Variants in UNC80 observed in about 807,000 individuals in gnomAD.
UNC80 encodes unc-80 subunit of NALCN channel complex, also known as protein unc-80 homolog.
Under a neutral mutation model 384.6 loss-of-function variants are expected in UNC80, and 164 were observed. The ratio of observed to expected loss-of-function variants is 0.43; its 90% CI spans 0.38 to 0.49. UNC80 has a LOEUF of 0.49. UNC80 is among the 20% of genes least tolerant of loss of function. The probability of loss-of-function intolerance (pLI) is 0.00; values close to 1 mark genes in which losing one functional copy is unlikely to be tolerated. For synonymous variants in UNC80, 1,486 were observed against 1,527.8 expected, an observed-to-expected ratio of 0.97 and a Z score of 0.64; for missense variants, 3,330 against 4,143.0, an observed-to-expected ratio of 0.80 and a Z score of 5.39.
chr2:209,774,475 G>A (rs1479620706), intron 2 of UNC80, among the ~76,000 whole-genome samples: 1 of 151,960 alleles, frequency 6.6e-6, no homozygotes, highest in Non-Finnish European at 1.5e-5. Context: ...AATAGATAGG[G>A]ATAGATATAT....
In UNC80 at chr2:209,978,977, G is replaced by A. The variant is rs78595770; in HGVS notation, c.9118+269G>A. ...TTAATTTCTGCTTCTGGCTGGGCAC[G>A]GTGGCTCATGCCTGTAGTCCCAGCA... is the stretch of plus-strand genomic sequence containing the variant. On this transcript the variant is annotated intron_variant, in intron 59 of 64. Transcript: ENST00000673920. 6.7e-3 allele frequency among the ~76,000 whole-genome samples: 1,023 copies of A among 152,298 alleles called. 13 individuals carry two copies. The highest frequency in any genetic ancestry group is 0.022 in the African/African-American group (933 of 41,572).
chr2:209,794,550 T>C (rs1178394483), intron 7 of UNC80, among the ~76,000 whole-genome samples: 3 of 152,194 alleles, frequency 2.0e-5, no homozygotes, highest in Non-Finnish European at 4.4e-5. Flanking sequence ...TACTATAAAA[T>C]TAACCTATTT....
At chr2:209,979,729 A>G (rs116541621) in intron 59 of UNC80, among the ~76,000 whole-genome samples, 1,649 of 152,284 alleles carry the variant, frequency 0.011, 23 homozygotes, top group African/African-American at 0.035. Flanking sequence ...ATTATTTTCC[A>G]CTTGTGTGTT....
chr2:209,872,433 C>G lies in UNC80; in HGVS notation c.3628-325C>G, dbSNP rs1379809954. On this transcript the variant is annotated intron_variant, in intron 22 of 64. Transcript: ENST00000673920. This position sits in a 1 kb window ranked among gnomAD's most constrained non-coding sequence, Gnocchi z 4.1. ...AGACCTCACTAAAAGCTCTTTCACT[C>G]TACACTCAAATCGCTGTCACCCTTA... Among the ~76,000 whole-genome samples, 5 of 152,162 alleles carry G rather than the reference C, an allele frequency of 3.3e-5. No individual in the cohort carries two copies. Among genetic ancestry groups the G allele is most frequent in the Admixed American group, 1.3e-4 (2 of 15,280 alleles).
chr2:209,979,074 T>C (rs182613875), intron 59 of UNC80, among the ~76,000 whole-genome samples: 12 of 151,956 alleles, frequency 7.9e-5, no homozygotes, highest in Admixed American at 7.9e-4. Context: ...CATGATGAAA[T>C]CCCATCTCTA....
chr2:209,888,264 T>C lies in UNC80; in HGVS notation c.4276+4T>C. On this transcript the variant is annotated splice_donor_region_variant and intron_variant, in intron 26 of 64. Transcript: ENST00000673920. ...GCAGGAGTCGAGGAGAAGAAAGGTATGGAAACACAAAGGTTCCTTCATGTT... is the reference window on the plus strand; with the variant it reads ...GCAGGAGTCGAGGAGAAGAAAGGTACGGAAACACAAAGGTTCCTTCATGTT... 1.3e-6 allele frequency: 2 copies of C among 1,551,636 alleles called. No individual in the cohort carries two copies. The highest frequency in any genetic ancestry group is 1.7e-6 in the Non-Finnish European group (2 of 1,146,932).
At chr2:209,963,974 T>G (rs1487694592) in intron 51 of UNC80, among the ~76,000 whole-genome samples, 1 of 152,218 alleles carries the variant, frequency 6.6e-6, no homozygotes, top group African/African-American at 2.4e-5. Flanking sequence ...GTAGTGAATT[T>G]TCTATCCATG....
chr2:209,992,202 C>T lies in UNC80; in HGVS notation c.9351C>T (p.Asn3117=), dbSNP rs1332853851. 2.6e-6 allele frequency: 4 copies of T among 1,551,512 alleles called. No homozygotes were observed. Among genetic ancestry groups the T allele is most frequent in the Non-Finnish European group, 2.6e-6 (3 of 1,146,958 alleles). Residue 3117 remains asparagine (N), a synonymous_variant, in exon 62 of 65, where the codon AAC becomes AAT. Transcript: ENST00000673920. Reference sequence around the variant, plus strand: ...TACAGAGTGAACCTGGTCAACAGAACCTCCTTGTTCAGCAGCCGCTGGGGA... The same window carrying T: ...TACAGAGTGAACCTGGTCAACAGAATCTCCTTGTTCAGCAGCCGCTGGGGA... ...ASIQSEPGQQ[N]LLVQQPLGRK...
At chr2:209,915,422 AAAC>A (rs1396657214) in intron 31 of UNC80, among the ~76,000 whole-genome samples, 4 of 151,442 alleles carry the variant, frequency 2.6e-5, no homozygotes, top group South Asian at 2.1e-4. Context: ...AAAAAAAAAA[AAAC>A]AAAAACTGGG....
intron 25 of UNC80, 78 bp downstream of exon 25, chr2:209,881,172 T>G: frequency 6.8e-7 from 1 of 1,463,750 alleles, no homozygotes; most frequent in Non-Finnish European, 9.1e-7. Flanking sequence ...AGATTCACAG[T>G]TTTCTTAAAT....
At chr2:209,825,601 C>G (rs142124939) in intron 13 of UNC80, among the ~76,000 whole-genome samples, 2 of 152,108 alleles carry the variant, frequency 1.3e-5, no homozygotes, top group African/African-American at 2.4e-5. Context: ...TGCACTGTCT[C>G]TCTTTAGGTG....
chr2:209,815,205 A>G, intron 8 of UNC80, 52 bp from the exon 9 acceptor site: 2 of 1,511,942 alleles, frequency 1.3e-6, no homozygotes, highest in Non-Finnish European at 1.8e-6. Flanking sequence ...CAATAAGAAC[A>G]GTATTTGGAT....
intron 22 of UNC80, among the ~76,000 whole-genome samples, chr2:209,853,151 G>A (rs2082652841): frequency 6.6e-6 from 1 of 152,002 alleles, no homozygotes; most frequent in Non-Finnish European, 1.5e-5. Context: ...AAAAATGAAT[G>A]TGCTCAATTC....
intron 21 of UNC80, chr2:209,845,377 TC>T (rs1306046715): frequency 6.6e-6 from 1 of 152,246 alleles, no homozygotes; most frequent in African/African-American, 2.4e-5. Flanking sequence ...TTGTTTACAC[TC>T]TCCTTTTAAT....
rs142291844 is a variant in UNC80 at position 209,941,530 on chromosome 2, G to C, written c.6915+41G>C. The C allele has an allele frequency of 3.4e-6, 5 of 1,491,700 alleles. No individual in the cohort carries two copies. In the East Asian group the frequency reaches 1.3e-4, roughly 37 times the overall value. The allele number at this position is 1,491,700 out of a possible 1,614,324, so 92.4% of individuals were successfully genotyped here. On this transcript the variant is annotated intron_variant, in intron 44 of 64. Coordinates refer to ENST00000673920, the MANE Select transcript of UNC80 (RefSeq NM_001371986.1). ...TCTCCCAACCAGAAAATTAACATGA[G>C]TACTGCTCATATCTAGCCGTTCAAC...
chr2:209,787,707 G>A (rs903683828), intron 5 of UNC80, among the ~76,000 whole-genome samples: 6 of 152,036 alleles, frequency 3.9e-5, no homozygotes, highest in Non-Finnish European at 7.4e-5. Context: ...TTTTATAAAA[G>A]TATAGCCCAT....
At chr2:209,935,446 A>G (rs931626070) in intron 39 of UNC80, among the ~76,000 whole-genome samples, 9 of 151,976 alleles carry the variant, frequency 5.9e-5, no homozygotes, top group Non-Finnish European at 1.3e-4. Context: ...ACATGGCGAA[A>G]CCTCGTCTCT....
Position 209,788,619 on chromosome 2 carries a change from ATT to A in UNC80, c.725-911_725-910del, listed in dbSNP as rs1370391328. 2.0e-5 allele frequency among the ~76,000 whole-genome samples: 3 copies of A among 148,006 alleles called. No homozygotes were observed. In the East Asian group the frequency reaches 5.8e-4, roughly 29 times the overall value. On this transcript the variant is annotated intron_variant, in intron 5 of 64. Coordinates refer to ENST00000673920, the MANE Select transcript of UNC80 (RefSeq NM_001371986.1). ...AAATAAAAGTAAAATAAATATATAA[ATT>A]TATAAATATATGACTATATTAAAAA... is the stretch of plus-strand genomic sequence containing the variant.
chr2:209,794,330 T>C (rs752178616), intron 7 of UNC80, among the ~76,000 whole-genome samples: 4 of 152,174 alleles, frequency 2.6e-5, no homozygotes, highest in Non-Finnish European at 5.9e-5. Flanking sequence ...ATAAACACCT[T>C]CTCCAGAAAC....
Sources: allele counts gnomAD v4.1 joint callset (sites outside exome capture counted in the v4.1 genomes callset), GRCh38; gene constraint gnomAD v4.1.1; non-coding constraint Gnocchi (gnomAD v3.1); transcripts MANE v1.5; gene names NCBI Gene and HGNC (gene_info 2026-07-23, HGNC 2026-07-21).